The following CDH13 variants were observed in gnomAD, a reference collection of about 807,000 sequenced individuals.
The protein encoded by CDH13 is cadherin 13.
A neutral mutation model predicts 63.8 loss-of-function variants in CDH13; 24 were observed. That is an observed-to-expected ratio of 0.38 (90% CI 0.27 to 0.53). CDH13 has a LOEUF of 0.53. Ranked by LOEUF, CDH13 falls within the 20% of genes least tolerant of loss-of-function variation. CDH13 has a pLI of 0.85. For missense variants in CDH13, 1,049 were observed against 903.1 expected (o/e 1.16, Z -2.07); for synonymous variants, 503 against 355.3 (o/e 1.42, Z -4.67).
At chr16:83,656,737 C>T (rs1437647173) in intron 8 of CDH13, among the ~76,000 whole-genome samples, 1 of 152,216 alleles carries the variant, frequency 6.6e-6, no homozygotes, top group South Asian at 2.1e-4. Context: ...CCACTCTCCC[C>T]TACAGTTTTG....
intron 5 of CDH13, among the ~76,000 whole-genome samples, chr16:83,314,979 G>C (rs1479107005): frequency 6.6e-6 from 1 of 152,194 alleles, no homozygotes; most frequent in Non-Finnish European, 1.5e-5. Flanking sequence ...GAGGTGGGCA[G>C]AACGGAGTTT....
At chr16:83,395,710 A>G (rs2091874739) in intron 6 of CDH13, among the ~76,000 whole-genome samples, 1 of 152,198 alleles carries the variant, frequency 6.6e-6, no homozygotes, top group South Asian at 2.1e-4. Flanking sequence ...TAGATATCAC[A>G]TAGTGGTTGA....
intron 2 of CDH13, among the ~76,000 whole-genome samples, chr16:82,980,923 T>G (rs1273999844): frequency 6.6e-6 from 1 of 152,238 alleles, no homozygotes; most frequent in Admixed American, 6.5e-5. Flanking sequence ...ATTGAGTGTC[T>G]TGAAACCCTT....
intron 2 of CDH13, among the ~76,000 whole-genome samples, chr16:82,916,061 G>C (rs891404918): frequency 6.6e-6 from 1 of 152,048 alleles, no homozygotes; most frequent in Non-Finnish European, 1.5e-5. Flanking sequence ...TTTCCATAAA[G>C]AGGAGGATGT....
intron 5 of CDH13, among the ~76,000 whole-genome samples, chr16:83,277,953 A>G (rs1420866005): frequency 6.6e-6 from 1 of 152,186 alleles, no homozygotes; most frequent in Non-Finnish European, 1.5e-5. Context: ...ATCTTTATTC[A>G]GTGAAATGCT....
intron 5 of CDH13, among the ~76,000 whole-genome samples, chr16:83,281,975 G>C (rs1456933995): frequency 6.6e-6 from 1 of 152,152 alleles, no homozygotes; most frequent in Admixed American, 6.6e-5. Flanking sequence ...GATTTAAAGT[G>C]AGGGCCATGT....
chr16:83,461,043 A>G (rs2073167830), intron 6 of CDH13, among the ~76,000 whole-genome samples: 1 of 151,608 alleles, frequency 6.6e-6, no homozygotes. Flanking sequence ...GCAGATAGCC[A>G]TTTTCCTAAG....
chr16:82,798,577 G>A (rs1274440604), intron 1 of CDH13, among the ~76,000 whole-genome samples: 5 of 152,142 alleles, frequency 3.3e-5, no homozygotes, highest in African/African-American at 1.2e-4. Context: ...TGTGGCCTGG[G>A]CAATGTCTAA....
intron 7 of CDH13, among the ~76,000 whole-genome samples, chr16:83,517,796 G>C (rs1461382076): frequency 3.3e-5 from 5 of 152,156 alleles, no homozygotes; most frequent in African/African-American, 9.7e-5. Context: ...CAGTTTGGAG[G>C]CTCTTTTTTT....
intron 5 of CDH13, among the ~76,000 whole-genome samples, chr16:83,327,942 C>G (rs1434180843): frequency 1.3e-5 from 2 of 152,050 alleles, no homozygotes; most frequent in Non-Finnish European, 2.9e-5. Flanking sequence ...ACCATCCTGG[C>G]TAATACAGTG....
intron 2 of CDH13, among the ~76,000 whole-genome samples, chr16:82,949,419 A>G (rs1193501394): frequency 1.3e-5 from 2 of 151,176 alleles, no homozygotes; most frequent in African/African-American, 2.5e-5. Flanking sequence ...ACTCGATGAC[A>G]TGTGCACAGA....
chr16:82,916,314 G>A (rs2041987344), intron 2 of CDH13, among the ~76,000 whole-genome samples: 2 of 152,158 alleles, frequency 1.3e-5, no homozygotes, highest in Non-Finnish European at 2.9e-5. Context: ...CGTAGCTCAC[G>A]CCTGTAATCC....
chr16:83,568,413 T>C (rs188006783), intron 7 of CDH13, among the ~76,000 whole-genome samples: 78 of 152,336 alleles, frequency 5.1e-4, no homozygotes, highest in African/African-American at 1.8e-3. Flanking sequence ...CAACGATTAC[T>C]TGTTCACGGT....
chr16:83,634,860 G>C (rs2097905181), intron 8 of CDH13, among the ~76,000 whole-genome samples: 2 of 152,320 alleles, frequency 1.3e-5, no homozygotes, highest in South Asian at 4.1e-4. Flanking sequence ...TGACTTTGTT[G>C]CTAGATTGAA....
chr16:83,284,296 G>C (rs970405542), intron 5 of CDH13, among the ~76,000 whole-genome samples: 2 of 152,186 alleles, frequency 1.3e-5, no homozygotes, highest in African/African-American at 4.8e-5. Flanking sequence ...GTTGGTACTA[G>C]ATGGCGCTGG....
intron 1 of CDH13, among the ~76,000 whole-genome samples, chr16:82,857,080 T>C (rs1426052241): frequency 6.6e-6 from 1 of 152,210 alleles, no homozygotes; most frequent in Non-Finnish European, 1.5e-5. Flanking sequence ...GTCCTGCACG[T>C]TGACACAGAA....
At chr16:83,616,949 G>A (rs1909334568) in intron 8 of CDH13, among the ~76,000 whole-genome samples, 1 of 152,194 alleles carries the variant, frequency 6.6e-6, no homozygotes, top group South Asian at 2.1e-4. Flanking sequence ...TTCCCGGAAT[G>A]CCTTTTCCTT....
chr16:83,187,714 G>A (rs911093006), intron 4 of CDH13, among the ~76,000 whole-genome samples: 3 of 152,266 alleles, frequency 2.0e-5, no homozygotes, highest in South Asian at 4.1e-4. Flanking sequence ...ACACAGCAGT[G>A]AACAGAACAG....
chr16:83,555,228 A>T (rs1316047964), intron 7 of CDH13, among the ~76,000 whole-genome samples: 1 of 152,206 alleles, frequency 6.6e-6, no homozygotes, highest in Non-Finnish European at 1.5e-5. Context: ...CATGGTTTGT[A>T]CAGTGGTAAA....
Sources: gnomAD v4.1 joint callset for allele counts (sites outside exome capture counted in the v4.1 genomes callset) on GRCh38, gnomAD v4.1.1 for gene constraint, MANE v1.5 for transcripts, NCBI Gene and HGNC (gene_info 2026-07-23, HGNC 2026-07-21) for gene names.